The following AK7 variants were observed in gnomAD, a reference collection of about 807,000 sequenced individuals.
The protein encoded by AK7 is ATP-AMP transphosphorylase 7.
A neutral mutation model predicts 96.6 loss-of-function variants in AK7; 78 were observed. That is an observed-to-expected ratio of 0.81 (90% CI 0.67 to 0.97). The LOEUF is 0.97. Ranked by LOEUF, AK7 falls within the 50% of genes least tolerant of loss-of-function variation. AK7 has a pLI of 0.00. For synonymous variants in AK7, 302 were observed against 317.2 expected (o/e 0.95, Z 0.51); for missense variants, 855 against 887.9 (o/e 0.96, Z 0.47).
chr14:96,476,175 T>C (rs1316543476), intron 14 of AK7, among the ~76,000 whole-genome samples: 1 of 152,080 alleles, frequency 6.6e-6, no homozygotes, highest in Non-Finnish European at 1.5e-5. Flanking sequence ...AGTTTAAAGT[T>C]GTACCTACCT....
chr14:96,424,043 C>A, intron 5 of AK7: 4 of 739,210 alleles, frequency 5.4e-6, no homozygotes, highest in Non-Finnish European at 1.0e-5. Flanking sequence ...TTCCCTAAAT[C>A]AAGACCATCC....
chr14:96,488,006 G>A (rs771488379), intron 17 of AK7: 8 of 402,338 alleles, frequency 2.0e-5, no homozygotes, highest in South Asian at 6.0e-5. Context: ...TCCACCTCCC[G>A]GGTTCAAGTG....
rs770764010 is a variant in AK7 at position 96,408,878 on chromosome 14, G to A, written c.435G>A (p.Lys145=). 3.7e-6 allele frequency: 6 copies of A among 1,614,226 alleles called. No homozygotes were observed. In the Admixed American group the frequency reaches 1.0e-4, roughly 27 times the overall value. ...GTGAAGAAGTCAGCCACTTTGAAAAGCGAAAGCTATTTATTTTACTGTCGA... is the reference window on the plus strand; with the variant it reads ...GTGAAGAAGTCAGCCACTTTGAAAAACGAAAGCTATTTATTTTACTGTCGA... ...ALSEEVSHFE[K]RKLFILLSTV... The change falls in exon 4 of 18, where the codon AAG becomes AAA. Residue 145 remains lysine (K), a synonymous_variant. Coordinates refer to ENST00000267584, the MANE Select transcript of AK7 (RefSeq NM_152327.5).
intron 1 of AK7, among the ~76,000 whole-genome samples, chr14:96,396,198 C>T (rs1241721046): frequency 3.3e-5 from 5 of 152,196 alleles, no homozygotes; most frequent in East Asian, 1.9e-4. Context: ...TGAGCCACCA[C>T]GCTCTGTCCA....
intron 17 of AK7, among the ~76,000 whole-genome samples, chr14:96,487,355 G>T: frequency 8.8e-6 from 1 of 113,730 alleles, no homozygotes; most frequent in South Asian, 3.4e-4. Flanking sequence ...CTGCACTCTA[G>T]CCTGGACGAC....
chr14:96,414,528 A>G (rs1595383307), intron 4 of AK7, among the ~76,000 whole-genome samples: 1 of 152,164 alleles, frequency 6.6e-6, no homozygotes, highest in Admixed American at 6.5e-5. Context: ...CTGGATGTGA[A>G]GCTTGGACTG....
intron 10 of AK7, among the ~76,000 whole-genome samples, chr14:96,453,023 A>T (rs779549867): frequency 6.6e-6 from 1 of 152,250 alleles, no homozygotes; most frequent in Non-Finnish European, 1.5e-5. Flanking sequence ...AACAGGTGTC[A>T]TCATAACCAT....
intron 14 of AK7, among the ~76,000 whole-genome samples, chr14:96,474,037 C>T (rs187010010): frequency 4.4e-4 from 67 of 152,242 alleles, no homozygotes; most frequent in African/African-American, 1.3e-3. Flanking sequence ...TTCCTGTAAA[C>T]GTTAAAAAGT....
chr14:96,479,301 TCTC>T (rs1472357310), intron 15 of AK7, among the ~76,000 whole-genome samples: 1 of 151,850 alleles, frequency 6.6e-6, no homozygotes, highest in African/African-American at 2.4e-5. Context: ...ATGGTCTCGA[TCTC>T]CTGACCTCGT....
chr14:96,454,701 A>T (rs1006876364), intron 10 of AK7, among the ~76,000 whole-genome samples: 1 of 150,560 alleles, frequency 6.6e-6, no homozygotes, highest in Non-Finnish European at 1.5e-5. Context: ...ATCTCACTAT[A>T]TTGCTGAAGC....
At chr14:96,398,567 G>A (rs914586538) in intron 2 of AK7, 4 of 353,818 alleles carry the variant, frequency 1.1e-5, no homozygotes, top group East Asian at 6.3e-5. Context: ...ACGAGTCTGT[G>A]CCATGATGGG....
intron 1 of AK7, among the ~76,000 whole-genome samples, chr14:96,395,800 A>ATT (rs1172936912): frequency 0.037 from 2,535 of 69,106 alleles, 426 homozygotes; most frequent in Non-Finnish European, 0.041. Context: ...TTGATTTTGA[A>ATT]TTTTTTTTTT....
rs1566760622 is a variant in AK7 at position 96,404,804 on chromosome 14, T to C, written c.342T>C (p.Val114=). ...DLLMRLLECD[V]IIYNITESSQ... is the part of the protein sequence containing the mutation. ...TCATGCGCCTGCTGGAGTGTGATGT[T>C]ATTATTTATAACATCACTGAGAGCT... Residue 114 remains valine (V), a synonymous_variant, in exon 3 of 18, where the codon GTT becomes GTC. Coordinates refer to ENST00000267584, the MANE Select transcript of AK7 (RefSeq NM_152327.5). The C allele has an allele frequency of 6.2e-7, 1 of 1,610,848 alleles. No individual in the cohort carries two copies. Among genetic ancestry groups the C allele is most frequent in the Non-Finnish European group, 8.5e-7 (1 of 1,177,498 alleles).
Position 96,472,698 on chromosome 14 carries a change from GA to G in AK7, c.1499del (p.Glu500GlyfsTer16), listed in dbSNP as rs1173113490. 6.2e-7 allele frequency: 1 copy of G among 1,612,864 alleles called. No homozygotes were observed. The highest frequency in any genetic ancestry group is 2.2e-5 in the East Asian group (1 of 44,876). ...TTTTGTTTTCTTAGAGGAAGATGAG[GA>G]GGAGGAAGATGATGTCAGAGGCAGA... ...AKDLFNQEDE[E>X]EEDDVRGRMF... On this transcript the variant is annotated frameshift_variant, in exon 14 of 18. Coordinates refer to ENST00000267584, the MANE Select transcript of AK7 (RefSeq NM_152327.5). LOFTEE classifies it high-confidence loss of function.
intron 17 of AK7, 71 bp downstream of exon 17, chr14:96,487,127 C>A (rs1651935895): frequency 5.2e-6 from 8 of 1,535,610 alleles, no homozygotes; most frequent in Admixed American, 1.8e-5. Context: ...GTAATCCCAG[C>A]ACTTTGGGAG....
chr14:96,412,722 C>T (rs1410014420), intron 4 of AK7, among the ~76,000 whole-genome samples: 1 of 151,520 alleles, frequency 6.6e-6, no homozygotes, highest in Non-Finnish European at 1.5e-5. Flanking sequence ...CATGCTACCA[C>T]TCCTGTCTAA....
chr14:96,452,746 C>G (rs1238688244), intron 10 of AK7, among the ~76,000 whole-genome samples: 1 of 151,864 alleles, frequency 6.6e-6, no homozygotes, highest in Non-Finnish European at 1.5e-5. Flanking sequence ...GCAACCTCTG[C>G]CTCCCAGGTT....
chr14:96,457,194 AG>A (rs940765839), intron 11 of AK7, among the ~76,000 whole-genome samples: 59 of 149,666 alleles, frequency 3.9e-4, no homozygotes, highest in African/African-American at 1.4e-3. Flanking sequence ...CCAAGTAGCT[AG>A]GATTACAGGT....
chr14:96,407,258 G>C (rs2140002067), intron 3 of AK7, among the ~76,000 whole-genome samples: 1 of 152,238 alleles, frequency 6.6e-6, no homozygotes, highest in African/African-American at 2.4e-5. Flanking sequence ...CTAAAGCTCG[G>C]CAGGGCAGAA....
Sources: allele counts gnomAD v4.1 joint callset (sites outside exome capture counted in the v4.1 genomes callset), GRCh38; gene constraint gnomAD v4.1.1; transcripts MANE v1.5; gene names NCBI Gene and HGNC (gene_info 2026-07-23, HGNC 2026-07-21).